Variants in CSNK1G3 observed in about 807,000 individuals in gnomAD.
CSNK1G3 encodes casein kinase I isoform gamma-3.
CSNK1G3 carries 23 observed loss-of-function variants against 64.3 expected under a neutral mutation model. That is an observed-to-expected ratio of 0.36 (90% CI 0.26 to 0.51). The LOEUF (loss-of-function observed/expected upper bound fraction) is 0.51, where lower values mean the gene tolerates loss of function less well. Ranked by LOEUF, CSNK1G3 falls within the 20% of genes least tolerant of loss-of-function variation. The pLI is 0.96. For missense variants in CSNK1G3, 357 were observed against 510.5 expected (o/e 0.70, Z 2.90); for synonymous variants, 158 against 162.2 (o/e 0.97, Z 0.20).
In CSNK1G3 at chr5:123,614,019, A is replaced by G. The variant is rs978865268; in HGVS notation, c.1218-323A>G. On this transcript the variant is annotated intron_variant, in intron 12 of 12. Transcript: ENST00000345990. ...CATTATTGCCTTCCTAATGGCTTCA[A>G]CAGTCACATATAAATATCAGGGAGA... is the stretch of plus-strand genomic sequence containing the variant. Among the ~76,000 whole-genome samples the G allele has an allele frequency of 1.4e-4, 21 of 152,328 alleles. 1 individual carries two copies. Among genetic ancestry groups the G allele is most frequent in the African/African-American group, 4.8e-4 (20 of 41,562 alleles).
At chr5:123,556,754 C>T (rs773190705) in intron 3 of CSNK1G3, among the ~76,000 whole-genome samples, 1 of 127,536 alleles carries the variant, frequency 7.8e-6, no homozygotes, top group Non-Finnish European at 1.6e-5. Context: ...CATGTTTCCT[C>T]TGTACATGTT....
chr5:123,532,825 G>T (rs1368485309), intron 1 of CSNK1G3, among the ~76,000 whole-genome samples: 1 of 151,852 alleles, frequency 6.6e-6, no homozygotes, highest in Non-Finnish European at 1.5e-5. Context: ...ATGCCCGTAT[G>T]TGGAAAAGAA....
intron 6 of CSNK1G3, among the ~76,000 whole-genome samples, chr5:123,584,423 T>C (rs1182842663): frequency 1.3e-5 from 2 of 152,242 alleles, no homozygotes; most frequent in East Asian, 3.8e-4. Context: ...CAATATGATT[T>C]ATATTTTATT....
At chr5:123,612,098 C>G (rs1391057377) in intron 12 of CSNK1G3, among the ~76,000 whole-genome samples, 1 of 152,206 alleles carries the variant, frequency 6.6e-6, no homozygotes, top group Non-Finnish European at 1.5e-5. Context: ...TCAGTTCTTT[C>G]TGCTAGTCAC....
At chr5:123,554,973 C>T (rs1327901936) in intron 3 of CSNK1G3, among the ~76,000 whole-genome samples, 1 of 152,198 alleles carries the variant, frequency 6.6e-6, no homozygotes, top group Non-Finnish European at 1.5e-5. Context: ...CTTGTTCATA[C>T]CATTGATGCC....
intron 1 of CSNK1G3, among the ~76,000 whole-genome samples, chr5:123,537,478 A>G (rs1331837230): frequency 6.6e-6 from 1 of 152,084 alleles, no homozygotes; most frequent in African/African-American, 2.4e-5. Context: ...AGTGGGCACA[A>G]TGTACATGTT....
chr5:123,522,248 C>A (rs1778242012), intron 1 of CSNK1G3, among the ~76,000 whole-genome samples: 4 of 152,000 alleles, frequency 2.6e-5, no homozygotes. Context: ...TGCTGTGGCT[C>A]ACCCCAGCAC....
exon 9 of CSNK1G3, chr5:123,590,439 A>G: frequency 6.7e-7 from 1 of 1,498,506 alleles, no homozygotes; most frequent in Non-Finnish European, 8.9e-7. Context: ...TCGTTATGTA[A>G]GAAGGCTAGA....
chr5:123,552,202 T>C (rs1267258760), intron 2 of CSNK1G3, among the ~76,000 whole-genome samples: 1 of 151,296 alleles, frequency 6.6e-6, no homozygotes, highest in Non-Finnish European at 1.5e-5. Context: ...TGGAGTGGAG[T>C]GGTGTGATCT....
At chr5:123,560,449 C>T (rs1464937067) in intron 4 of CSNK1G3, among the ~76,000 whole-genome samples, 1 of 152,024 alleles carries the variant, frequency 6.6e-6, no homozygotes, top group East Asian at 1.9e-4. Flanking sequence ...TTTACACTAG[C>T]CAAAAGGTAG....
chr5:123,562,648 A>G (rs986502420), intron 4 of CSNK1G3, among the ~76,000 whole-genome samples: 1 of 152,056 alleles, frequency 6.6e-6, no homozygotes, highest in African/African-American at 2.4e-5. Context: ...TACAATTTCA[A>G]ATTTTTAAAT....
intron 1 of CSNK1G3, among the ~76,000 whole-genome samples, chr5:123,525,765 G>A (rs1778942038): frequency 6.6e-6 from 1 of 151,930 alleles, no homozygotes; most frequent in Admixed American, 6.6e-5. Flanking sequence ...AGGCTGAGGC[G>A]GGCGGATCAC....
intron 4 of CSNK1G3, among the ~76,000 whole-genome samples, chr5:123,572,950 T>G (rs185728786): frequency 5.3e-5 from 8 of 152,302 alleles, no homozygotes; most frequent in African/African-American, 1.9e-4. Flanking sequence ...ATACAAGGTG[T>G]ATAAGCCAGA....
rs141732202 is a variant in CSNK1G3 at position 123,567,302 on chromosome 5, G to A, written c.290-6091G>A. 1.6e-3 allele frequency among the ~76,000 whole-genome samples: 249 copies of A among 152,222 alleles called. 1 individual carries two copies. Among genetic ancestry groups the A allele is most frequent in the Non-Finnish European group, 2.7e-3 (187 of 68,000 alleles). ...GCCAAACCATATCAGTGACTCATTA[G>A]AAATATTTTATTTTAAGGCCAGGCG... On this transcript the variant is annotated intron_variant, in intron 4 of 12. Transcript: ENST00000345990.
At chr5:123,558,992 T>G (rs892993324) in intron 4 of CSNK1G3, among the ~76,000 whole-genome samples, 21 of 152,158 alleles carry the variant, frequency 1.4e-4, no homozygotes, top group African/African-American at 5.1e-4. Flanking sequence ...AGTTGGCCCT[T>G]CTTAAGAGAT....
intron 1 of CSNK1G3, among the ~76,000 whole-genome samples, chr5:123,544,206 C>T (rs1782167018): frequency 6.6e-6 from 1 of 152,142 alleles, no homozygotes; most frequent in Admixed American, 6.6e-5. Flanking sequence ...TATAAAATCC[C>T]CACCAAGCCT....
intron 6 of CSNK1G3, 103 bp downstream of exon 6, chr5:123,576,066 T>A: frequency 1.6e-6 from 1 of 635,504 alleles, no homozygotes; most frequent in Non-Finnish European, 2.7e-6. Context: ...TATAATAGCT[T>A]TTATTATAAT....
At chr5:123,580,643 A>C (rs1243517517) in intron 6 of CSNK1G3, among the ~76,000 whole-genome samples, 1 of 151,918 alleles carries the variant, frequency 6.6e-6, no homozygotes, top group Non-Finnish European at 1.5e-5. Context: ...ACATCTGATC[A>C]AGTGTCTGCT....
intron 6 of CSNK1G3, among the ~76,000 whole-genome samples, chr5:123,584,243 G>A (rs1163211427): frequency 2.6e-5 from 4 of 152,072 alleles, no homozygotes; most frequent in African/African-American, 7.2e-5. Context: ...ATCTTTGTTC[G>A]TTCTTGATCT....
Sources: allele counts gnomAD v4.1 joint callset (sites outside exome capture counted in the v4.1 genomes callset), GRCh38; gene constraint gnomAD v4.1.1; transcripts MANE v1.5; gene names NCBI Gene and HGNC (gene_info 2026-07-23, HGNC 2026-07-21).